Variants in ADGRL3 observed in about 807,000 individuals in gnomAD.
ADGRL3 encodes calcium-independent alpha-latrotoxin receptor 3.
ADGRL3 carries 62 observed loss-of-function variants against 153.5 expected under a neutral mutation model. The observed-to-expected ratio is 0.40, with a 90% CI of 0.33 to 0.50. The LOEUF (loss-of-function observed/expected upper bound fraction) is 0.50. Ranked by LOEUF, ADGRL3 falls within the 20% of genes least tolerant of loss-of-function variation. ADGRL3 has a pLI of 0.47. For synonymous variants in ADGRL3, 710 were observed against 672.5 expected, an observed-to-expected ratio of 1.06 and a Z score of -0.86; for missense variants, 1,641 against 1,859.4, an observed-to-expected ratio of 0.88 and a Z score of 2.16.
chr4:61,417,312 A>AC (rs946224774), intron 2 of ADGRL3, among the ~76,000 whole-genome samples: 13 of 151,978 alleles, frequency 8.6e-5, no homozygotes, highest in African/African-American at 2.9e-4. Context: ...ACATAGTGAG[A>AC]CCCCCATCTC....
intron 8 of ADGRL3, among the ~76,000 whole-genome samples, chr4:61,801,674 T>C (rs541238821): frequency 6.6e-6 from 1 of 152,250 alleles, no homozygotes; most frequent in South Asian, 2.1e-4. Flanking sequence ...GCTCCTTCTA[T>C]ACCAAAAGAG....
chr4:61,675,103 A>T (rs1406452407), intron 5 of ADGRL3, among the ~76,000 whole-genome samples: 1 of 151,948 alleles, frequency 6.6e-6, no homozygotes, highest in East Asian at 1.9e-4. Flanking sequence ...TTCATTAATG[A>T]ATCAAATTTA....
At chr4:61,493,206 T>C in intron 2 of ADGRL3, among the ~76,000 whole-genome samples, 1 of 152,174 alleles carries the variant, frequency 6.6e-6, no homozygotes, top group Non-Finnish European at 1.5e-5. Context: ...AGCACAGTAT[T>C]GGAGTTGTGA....
At chr4:61,980,174 A>G (rs781010172) in intron 18 of ADGRL3, among the ~76,000 whole-genome samples, 1 of 151,994 alleles carries the variant, frequency 6.6e-6, no homozygotes, top group African/African-American at 2.4e-5. Context: ...TCCAAATCCC[A>G]TAGTTTACAT....
At chr4:62,059,302 G>C (rs1738791425) in intron 25 of ADGRL3, among the ~76,000 whole-genome samples, 1 of 152,118 alleles carries the variant, frequency 6.6e-6, no homozygotes, top group African/African-American at 2.4e-5. Flanking sequence ...GAGCTGGTCT[G>C]TGTTTTATAC....
chr4:61,462,692 CTT>C (rs1553935487), intron 2 of ADGRL3, among the ~76,000 whole-genome samples: 3 of 152,136 alleles, frequency 2.0e-5, no homozygotes, highest in Non-Finnish European at 2.9e-5. Flanking sequence ...AAAGAGAAGA[CTT>C]ATGAAAAGTT....
intron 6 of ADGRL3, among the ~76,000 whole-genome samples, chr4:61,727,285 A>G (rs1377170469): frequency 6.6e-6 from 1 of 152,164 alleles, no homozygotes; most frequent in Non-Finnish European, 1.5e-5. Flanking sequence ...TAACCACAGG[A>G]TATAGCTTAT....
chr4:61,336,555 T>C (rs575489132), intron 1 of ADGRL3, among the ~76,000 whole-genome samples: 2 of 152,122 alleles, frequency 1.3e-5, no homozygotes, highest in Non-Finnish European at 2.9e-5. Flanking sequence ...ACAGGTTATT[T>C]TGGTGGCTTG....
At chr4:61,398,535 T>C (rs2096893821) in intron 2 of ADGRL3, among the ~76,000 whole-genome samples, 1 of 151,766 alleles carries the variant, frequency 6.6e-6, no homozygotes, top group Non-Finnish European at 1.5e-5. Flanking sequence ...GTTGGTCCTA[T>C]CTAGCAAACT....
chr4:62,035,298 A>G (rs1032344496), intron 23 of ADGRL3, among the ~76,000 whole-genome samples: 8 of 152,048 alleles, frequency 5.3e-5, no homozygotes, highest in Non-Finnish European at 8.8e-5. Context: ...CAAATAGCCC[A>G]CGATGAATTA....
intron 6 of ADGRL3, among the ~76,000 whole-genome samples, chr4:61,683,557 T>A (rs911887061): frequency 5.3e-5 from 8 of 151,976 alleles, no homozygotes; most frequent in Non-Finnish European, 8.8e-5. Flanking sequence ...GATTGGTTTG[T>A]GAGTGTACAA....
intron 1 of ADGRL3, among the ~76,000 whole-genome samples, chr4:61,350,832 C>T (rs2096030923): frequency 6.6e-6 from 1 of 152,028 alleles, no homozygotes; most frequent in African/African-American, 2.4e-5. Context: ...TCATCTGTCT[C>T]CCTTCTTTTC....
At chr4:62,039,534 T>C (rs575806269) in intron 24 of ADGRL3, among the ~76,000 whole-genome samples, 3 of 152,310 alleles carry the variant, frequency 2.0e-5, no homozygotes, top group Admixed American at 2.0e-4. Flanking sequence ...AATCTGAATT[T>C]GATTTATTTT....
chr4:61,856,293 T>C (rs1193984183), intron 9 of ADGRL3, among the ~76,000 whole-genome samples: 2 of 151,966 alleles, frequency 1.3e-5, no homozygotes, highest in Non-Finnish European at 2.9e-5. Context: ...CTTTCTCTTA[T>C]TTCCTTCCTT....
intron 11 of ADGRL3, among the ~76,000 whole-genome samples, chr4:61,899,681 A>G (rs570707847): frequency 6.6e-6 from 1 of 152,306 alleles, no homozygotes; most frequent in South Asian, 2.1e-4. Context: ...CAAACCAACC[A>G]TAGACTAGGT....
At chr4:61,680,125 A>G (rs2095301877) in intron 6 of ADGRL3, among the ~76,000 whole-genome samples, 1 of 152,044 alleles carries the variant, frequency 6.6e-6, no homozygotes. Flanking sequence ...TATTAGAGAA[A>G]ATCCTTGTGC....
chr4:61,659,334 G>A (rs370042155), intron 5 of ADGRL3, among the ~76,000 whole-genome samples: 2 of 151,966 alleles, frequency 1.3e-5, no homozygotes, highest in African/African-American at 2.4e-5. Flanking sequence ...CCTTATTTTC[G>A]TATCATCCGT....
intron 24 of ADGRL3, among the ~76,000 whole-genome samples, chr4:62,038,917 A>G (rs1342705946): frequency 6.6e-6 from 1 of 151,968 alleles, no homozygotes; most frequent in Non-Finnish European, 1.5e-5. Context: ...TGTTTTTAAG[A>G]TTGCATGATT....
At chr4:61,412,902 A>G (rs1381754115) in intron 2 of ADGRL3, among the ~76,000 whole-genome samples, 2 of 152,322 alleles carry the variant, frequency 1.3e-5, no homozygotes, top group Non-Finnish European at 2.9e-5. Context: ...TAACATCTCT[A>G]TCATCCTGGT....
Sources: allele counts gnomAD v4.1 joint callset (sites outside exome capture counted in the v4.1 genomes callset), GRCh38; gene constraint gnomAD v4.1.1; transcripts MANE v1.5; gene names NCBI Gene and HGNC (gene_info 2026-07-23, HGNC 2026-07-21).